The following CISD3 variants were observed in gnomAD, a reference collection of about 807,000 sequenced individuals.
The protein encoded by CISD3 is CDGSH iron sulfur domain 3, also known as CDGSH iron-sulfur domain-containing protein 3, mitochondrial.
Under a neutral mutation model 14.1 loss-of-function variants are expected in CISD3, and 11 were observed. The observed-to-expected ratio is 0.78, with a 90% CI of 0.49 to 1.29. The LOEUF (loss-of-function observed/expected upper bound fraction) is 1.29. Among genes scored for constraint, CISD3 ranks in the 50% most tolerant of loss-of-function variants. CISD3 has a pLI of 0.00. For synonymous variants in CISD3, 53 were observed against 69.2 expected (o/e 0.77, Z 1.16); for missense variants, 156 against 171.6 (o/e 0.91, Z 0.51).
At position 38,734,985 on chromosome 17, in the gene CISD3, C is replaced by T. The variant is rs1267822775; in HGVS notation, c.*1530C>T. The T allele has an allele frequency of 2.7e-6, 1 of 364,482 alleles. No individual in the cohort carries two copies. Among genetic ancestry groups the T allele is most frequent in the Non-Finnish European group, 4.8e-6 (1 of 206,274 alleles). The allele number at this position is 364,482 out of a possible 1,614,324, so 22.6% of individuals were successfully genotyped here. On this transcript the variant is annotated 3_prime_UTR_variant, in exon 4 of 4. Transcript: ENST00000613478. ...AAATGAACACCATTTTCCACACATA[C>T]ACACACACATAAAGTTTGTTTCCTG...
In CISD3 at chr17:38,735,292, C is replaced by G; in HGVS notation, c.*1837C>G. 1 of 1,505,464 alleles carries G rather than the reference C, an allele frequency of 6.6e-7. No individual in the cohort carries two copies. Among genetic ancestry groups the G allele is most frequent in the South Asian group, 1.3e-5 (1 of 75,680 alleles). 93.3% of individuals were successfully genotyped at this position (1,505,464 alleles called of 1,614,324 possible). A position where few individuals can be genotyped will look rare whatever the true frequency, so the allele number is the denominator to read the frequency against. ...GCCCCCTGCTGGTGGAGGATGGTGT[C>G]TGCAGGCAGTTCAAGCTACCCCCGT... is the stretch of plus-strand genomic sequence containing the variant. On this transcript the variant is annotated 3_prime_UTR_variant, in exon 4 of 4. Transcript: ENST00000613478.
chr17:38,733,761 T>G lies in CISD3; in HGVS notation c.*306T>G, dbSNP rs1737967060. ...CCTGCTCCAGATTTTAACCTCTCTG[T>G]GGGCTGGGGGCACCTGACCAGCCAC... On this transcript the variant is annotated 3_prime_UTR_variant, in exon 4 of 4. Transcript: ENST00000613478. The G allele has an allele frequency of 5.8e-6, 2 of 345,602 alleles. No individual in the cohort carries two copies. The highest frequency in any genetic ancestry group is 7.6e-4 in the Middle Eastern group (1 of 1,316). The allele number at this position is 345,602 out of a possible 1,614,324, so 21.4% of individuals were successfully genotyped here. A position where few individuals can be genotyped will look rare whatever the true frequency, so the allele number is the denominator to read the frequency against.
intron 3 of CISD3, chr17:38,731,712 G>A: frequency 2.2e-6 from 1 of 463,862 alleles, no homozygotes; most frequent in South Asian, 2.8e-5. Context: ...GTTTCTCAGA[G>A]GTGCACTGCA....
chr17:38,734,664 T>G lies in CISD3; in HGVS notation c.*1209T>G, dbSNP rs576540830. ...GATAAACTGCATTTGTAAAAGGCAC[T>G]GTTCTTAGCAATTTCTGGACATTCA... On this transcript the variant is annotated 3_prime_UTR_variant, in exon 4 of 4. Transcript: ENST00000613478. The G allele has an allele frequency of 6.5e-6, 1 of 152,890 alleles. No individual in the cohort carries two copies. Among genetic ancestry groups the G allele is most frequent in the Admixed American group, 6.5e-5 (1 of 15,308 alleles). 9.5% of individuals were successfully genotyped at this position (152,890 alleles called of 1,614,324 possible).
At chr17:38,731,123 C>A in intron 2 of CISD3, 197 bp from the exon 3 acceptor site, 1 of 729,698 alleles carries the variant, frequency 1.4e-6, no homozygotes, top group Non-Finnish European at 2.1e-6. Flanking sequence ...GCCTGCATGG[C>A]TTTGAAATCT....
intron 1 of CISD3, 141 bp from the exon 2 acceptor site, chr17:38,730,619 T>C (rs1407518343): frequency 3.3e-6 from 3 of 912,370 alleles, no homozygotes; most frequent in Non-Finnish European, 5.2e-6. Flanking sequence ...TTTCTTACCC[T>C]CTCATTCCTC....
intron 3 of CISD3, 110 bp from the exon 4 acceptor site, chr17:38,733,166 G>C: frequency 2.0e-6 from 2 of 1,008,234 alleles, no homozygotes; most frequent in Non-Finnish European, 2.9e-6. Context: ...TCTTGCTCTG[G>C]AGCCTGTACC....
chr17:38,735,220 G>T lies in CISD3; in HGVS notation c.*1765G>T. The T allele has an allele frequency of 7.1e-7, 1 of 1,411,622 alleles. No homozygotes were observed. Among genetic ancestry groups the T allele is most frequent in the Non-Finnish European group, 9.3e-7 (1 of 1,073,018 alleles). The allele number at this position is 1,411,622 out of a possible 1,614,324, so 87.4% of individuals were successfully genotyped here. A position where few individuals can be genotyped will look rare whatever the true frequency, so the allele number is the denominator to read the frequency against. On this transcript the variant is annotated 3_prime_UTR_variant, in exon 4 of 4. Coordinates refer to ENST00000613478, the MANE Select transcript of CISD3 (RefSeq NM_001136498.2). ...GCTGGAAGAAGGGAGAGGGTCCCTG[G>T]CCTCAAGTTAAGGGGGGCACGGGAG...
At position 38,735,441 on chromosome 17, in the gene CISD3, A is replaced by T; in HGVS notation, c.*1986A>T. ...GTGGCTGGGCTGGGCAGGGAGGAGGAGGTGGCTGGCAGGGTGGCAGGGCTG... is the reference window on the plus strand; with the variant it reads ...GTGGCTGGGCTGGGCAGGGAGGAGGTGGTGGCTGGCAGGGTGGCAGGGCTG... On this transcript the variant is annotated 3_prime_UTR_variant, in exon 4 of 4. Transcript: ENST00000613478. 6.3e-7 allele frequency: 1 copy of T among 1,584,164 alleles called. No individual in the cohort carries two copies. The highest frequency in any genetic ancestry group is 2.3e-5 in the East Asian group (1 of 43,338).
Position 38,731,432 on chromosome 17 carries a change from A to G in CISD3, c.197A>G (p.Lys66Arg), listed in dbSNP as rs1906330809. Reference protein sequence around the residue: ...TYRWCVCGRSKKQPFCDGSHF... With the variant: ...TYRWCVCGRSRKQPFCDGSHF... ...AGGTGGTGTGTGTGTGGCCGCAGCAAGAAGCAGGTGAGACCCCTGTCTGCC... is the reference window on the plus strand; with the variant it reads ...AGGTGGTGTGTGTGTGGCCGCAGCAGGAAGCAGGTGAGACCCCTGTCTGCC... Residue 66 changes from lysine to arginine, a missense_variant, in exon 3 of 4, where the codon AAG (lysine) becomes AGG (arginine). Physicochemically the swap from Lys to Arg is conservative, Grantham distance 26 (BLOSUM62 2). Transcript: ENST00000613478. 11 of 1,551,606 alleles carry G rather than the reference A, an allele frequency of 7.1e-6. No homozygotes were observed. Among genetic ancestry groups the G allele is most frequent in the Non-Finnish European group, 9.6e-6 (11 of 1,146,928 alleles).
At position 38,735,532 on chromosome 17, in the gene CISD3, G is replaced by A. The variant is rs374129454; in HGVS notation, c.*2077G>A. ...TGGTGTTGGTGCCCTCGGAGGGGGT[G>A]GGCACCGTGGCTAGGGTGAGCCGCT... On this transcript the variant is annotated 3_prime_UTR_variant, in exon 4 of 4. Transcript: ENST00000613478. The A allele has an allele frequency of 1.4e-5, 22 of 1,589,232 alleles. No individual in the cohort carries two copies. In the African/African-American group the frequency reaches 2.8e-4, roughly 20 times the overall value.
chr17:38,735,456 T>TGGCAGGGC lies in CISD3; in HGVS notation c.*2002_*2009dup. 6.3e-7 allele frequency: 1 copy of TGGCAGGGC among 1,586,274 alleles called. No individual in the cohort carries two copies. The highest frequency in any genetic ancestry group is 8.6e-7 in the Non-Finnish European group (1 of 1,166,472). ...AGGGAGGAGGAGGTGGCTGGCAGGG[T>TGGCAGGGC]GGCAGGGCTGGGAGCCTTGTCGCTG... On this transcript the variant is annotated 3_prime_UTR_variant, in exon 4 of 4. Coordinates refer to ENST00000613478, the MANE Select transcript of CISD3 (RefSeq NM_001136498.2).
At chr17:38,733,161 C>T (rs1041843225) in intron 3 of CISD3, 115 bp from the exon 4 acceptor site, 3 of 945,278 alleles carry the variant, frequency 3.2e-6, no homozygotes, top group Non-Finnish European at 4.7e-6. Flanking sequence ...GGCAGTCTTG[C>T]TCTGGAGCCT....
chr17:38,735,248 C>T lies in CISD3; in HGVS notation c.*1793C>T. The T allele has an allele frequency of 6.9e-7, 1 of 1,453,786 alleles. No individual in the cohort carries two copies. The highest frequency in any genetic ancestry group is 9.2e-7 in the Non-Finnish European group (1 of 1,092,418). The allele number at this position is 1,453,786 out of a possible 1,614,324, so 90.1% of individuals were successfully genotyped here. A position where few individuals can be genotyped will look rare whatever the true frequency, so the allele number is the denominator to read the frequency against. On this transcript the variant is annotated 3_prime_UTR_variant, in exon 4 of 4. Transcript: ENST00000613478. The stretch of plus-strand genomic sequence containing the variant: ...TCAAGTTAAGGGGGGCACGGGAGCG[C>T]CGTTGACAGTCATCTTGCGCCCCCT...
rs1906505994 is a variant in CISD3 at position 38,734,295 on chromosome 17, A to G, written c.*840A>G. ...AATTGGAAGGCTGTTTGCCTCTGGC[A>G]AAGTCTGGGATCTGTGCTTGTGTGA... On this transcript the variant is annotated 3_prime_UTR_variant, in exon 4 of 4. Transcript: ENST00000613478. 1 of 152,656 alleles carries G rather than the reference A, an allele frequency of 6.6e-6. No individual in the cohort carries two copies. The highest frequency in any genetic ancestry group is 2.1e-4 in the South Asian group (1 of 4,826). The allele number at this position is 152,656 out of a possible 1,614,324, so 9.5% of individuals were successfully genotyped here.
intron 2 of CISD3, chr17:38,731,007 G>C: frequency 1.6e-6 from 1 of 641,824 alleles, no homozygotes; most frequent in Non-Finnish European, 2.7e-6. Context: ...CCAAGCCCCA[G>C]TGTGGGTGGC....
chr17:38,732,098 T>C (rs567302384), intron 3 of CISD3, among the ~76,000 whole-genome samples: 16 of 152,314 alleles, frequency 1.1e-4, no homozygotes, highest in African/African-American at 3.6e-4. Context: ...TGCTTCCCCT[T>C]CTGCCCAGGA....
intron 1 of CISD3, 104 bp downstream of exon 1, chr17:38,730,510 C>T: frequency 9.7e-7 from 1 of 1,032,650 alleles, no homozygotes; most frequent in Non-Finnish European, 1.4e-6. Flanking sequence ...GAGCTCCCGG[C>T]CCGTCCCGCC....
At position 38,731,352 on chromosome 17, in the gene CISD3, C is replaced by T. The variant is rs1275075113; in HGVS notation, c.117C>T (p.Ser39=). The change falls in exon 3 of 4, where the codon TCC becomes TCT. Residue 39 remains serine, a synonymous_variant. Coordinates refer to ENST00000613478, the MANE Select transcript of CISD3 (RefSeq NM_001136498.2). ...GGTTCCCTAGAACCCCAGCCAGGTC[C>T]GTGGTGGCCCTGAAGACCCCCATCA... is the stretch of plus-strand genomic sequence containing the variant. ...AQWFPRTPAR[S]VVALKTPIKV... 1.7e-5 allele frequency: 26 copies of T among 1,551,544 alleles called. No homozygotes were observed. The highest frequency in any genetic ancestry group is 2.2e-5 in the Non-Finnish European group (25 of 1,146,972).
Sources: gnomAD v4.1 joint callset for allele counts (sites outside exome capture counted in the v4.1 genomes callset) on GRCh38, gnomAD v4.1.1 for gene constraint, MANE v1.5 for transcripts, NCBI Gene and HGNC (gene_info 2026-07-23, HGNC 2026-07-21) for gene names.